The following CAMKMT variants were observed in gnomAD, a reference collection of about 807,000 sequenced individuals.
CAMKMT encodes the protein CaM KMT.
A neutral mutation model predicts 48.0 loss-of-function variants in CAMKMT; 53 were observed. That is an observed-to-expected ratio of 1.10 (90% CI 0.89 to 1.39). The LOEUF is 1.39. Among genes scored for constraint, CAMKMT ranks in the 40% most tolerant of loss-of-function variants. The pLI is 0.00. For missense variants in CAMKMT, 428 were observed against 402.7 expected, an observed-to-expected ratio of 1.06 and a Z score of -0.54; for synonymous variants, 165 against 152.3, an observed-to-expected ratio of 1.08 and a Z score of -0.61.
chr2:44,417,150 C>G (rs1006829771), intron 3 of CAMKMT, among the ~76,000 whole-genome samples: 1 of 151,914 alleles, frequency 6.6e-6, no homozygotes, highest in South Asian at 2.1e-4. Context: ...TATGGCCACA[C>G]TTTGGGAGGC....
At chr2:44,484,732 CTA>C (rs566214525) in intron 3 of CAMKMT, among the ~76,000 whole-genome samples, 2 of 149,790 alleles carry the variant, frequency 1.3e-5, no homozygotes, top group Non-Finnish European at 3.0e-5. Context: ...ATAAATTGGT[CTA>C]TGTTATAATT....
chr2:44,760,598 G>A (rs540182079), intron 9 of CAMKMT, among the ~76,000 whole-genome samples: 44 of 139,818 alleles, frequency 3.1e-4, no homozygotes, highest in African/African-American at 1.1e-3. Flanking sequence ...GCAACAGAGC[G>A]AGATTCCATC....
chr2:44,637,389 G>T (rs559842295), intron 3 of CAMKMT, among the ~76,000 whole-genome samples: 3 of 152,168 alleles, frequency 2.0e-5, no homozygotes, highest in Admixed American at 2.0e-4. Context: ...AGAATTTTTT[G>T]CACTGAATGC....
intron 3 of CAMKMT, among the ~76,000 whole-genome samples, chr2:44,670,547 G>T (rs1675267802): frequency 6.6e-6 from 1 of 152,176 alleles, no homozygotes; most frequent in Non-Finnish European, 1.5e-5. Flanking sequence ...AGCCACTCAG[G>T]AGGCTGAGGT....
At chr2:44,753,537 GT>G (rs1185595447) in intron 8 of CAMKMT, among the ~76,000 whole-genome samples, 1 of 152,120 alleles carries the variant, frequency 6.6e-6, no homozygotes, top group African/African-American at 2.4e-5. Flanking sequence ...CTTTGTTTTT[GT>G]AGCTGTTCAC....
chr2:44,763,293 T>C (rs1195304051), intron 9 of CAMKMT, among the ~76,000 whole-genome samples: 1 of 152,236 alleles, frequency 6.6e-6, no homozygotes, highest in East Asian at 1.9e-4. Context: ...GGGTACAGTG[T>C]TGTGCACAGA....
intron 8 of CAMKMT, among the ~76,000 whole-genome samples, chr2:44,745,895 A>G (rs1159605006): frequency 2.6e-5 from 4 of 152,154 alleles, no homozygotes; most frequent in Admixed American, 1.3e-4. Context: ...CGAGTTCTTT[A>G]TGTCCTGTTG....
intron 9 of CAMKMT, among the ~76,000 whole-genome samples, chr2:44,758,648 C>G (rs193236314): frequency 6.6e-6 from 1 of 152,160 alleles, no homozygotes; most frequent in Non-Finnish European, 1.5e-5. Context: ...GAAGCAATGT[C>G]CCCCTCAACC....
chr2:44,561,831 A>G (rs1668339569), intron 3 of CAMKMT, among the ~76,000 whole-genome samples: 1 of 152,224 alleles, frequency 6.6e-6, no homozygotes, highest in African/African-American at 2.4e-5. Context: ...CTAAATGAAC[A>G]AGGAAGTGGA....
At chr2:44,594,670 A>G (rs2103832453) in intron 3 of CAMKMT, among the ~76,000 whole-genome samples, 1 of 152,352 alleles carries the variant, frequency 6.6e-6, no homozygotes, top group Admixed American at 6.5e-5. Context: ...CTCAAGATGG[A>G]TTAAAGACTT....
intron 3 of CAMKMT, among the ~76,000 whole-genome samples, chr2:44,430,230 T>C (rs1299483129): frequency 1.3e-5 from 2 of 152,092 alleles, no homozygotes; most frequent in African/African-American, 4.8e-5. Context: ...CCATCAACTG[T>C]AAAGTTAGGG....
intron 1 of CAMKMT, among the ~76,000 whole-genome samples, chr2:44,368,413 T>C (rs984714545): frequency 2.0e-5 from 3 of 152,220 alleles, no homozygotes; most frequent in African/African-American, 7.2e-5. Context: ...TGATCTCCTA[T>C]TGCAATTACT....
At chr2:44,540,437 A>G (rs1485321190) in intron 3 of CAMKMT, among the ~76,000 whole-genome samples, 1 of 152,070 alleles carries the variant, frequency 6.6e-6, no homozygotes, top group Non-Finnish European at 1.5e-5. Flanking sequence ...GATTCTTTTT[A>G]GTGGAAAGTG....
At chr2:44,428,199 T>C (rs1473447443) in intron 3 of CAMKMT, among the ~76,000 whole-genome samples, 2 of 152,144 alleles carry the variant, frequency 1.3e-5, no homozygotes, top group African/African-American at 4.8e-5. Flanking sequence ...GGATGGTGAA[T>C]GCGGAGATTT....
chr2:44,618,226 G>A lies in CAMKMT; in HGVS notation c.377-86057G>A, dbSNP rs1251596692. ...TTTGTTGGGTAGCTCTCAGATTATT[G>A]AGTGACAAACTTTATTGAATTTGAC... On this transcript the variant is annotated intron_variant, in intron 3 of 10. Transcript: ENST00000378494. This position sits in a 1 kb window ranked among gnomAD's most constrained non-coding sequence, Gnocchi z 4.0. Among the ~76,000 whole-genome samples, 1 of 152,176 alleles carries A rather than the reference G, an allele frequency of 6.6e-6. No homozygotes were observed. Among genetic ancestry groups the A allele is most frequent in the Admixed American group, 6.5e-5 (1 of 15,276 alleles).
chr2:44,373,615 T>C (rs972642014), intron 2 of CAMKMT, among the ~76,000 whole-genome samples: 6 of 152,200 alleles, frequency 3.9e-5, no homozygotes, highest in Admixed American at 6.5e-5. Context: ...ATTTTAAGTG[T>C]AAATGTGACT....
At chr2:44,709,594 TACTG>T (rs1263167645) in intron 6 of CAMKMT, among the ~76,000 whole-genome samples, 2 of 152,186 alleles carry the variant, frequency 1.3e-5, no homozygotes, top group African/African-American at 4.8e-5. Flanking sequence ...TCATCTGTTT[TACTG>T]ACTGAGGTTA....
At chr2:44,647,034 C>T (rs1006635999) in intron 3 of CAMKMT, among the ~76,000 whole-genome samples, 1 of 152,186 alleles carries the variant, frequency 6.6e-6, no homozygotes, top group African/African-American at 2.4e-5. Context: ...CGCGGTGGCT[C>T]ACGCCTGTAA....
At chr2:44,417,281 G>T (rs1683623567) in intron 3 of CAMKMT, among the ~76,000 whole-genome samples, 2 of 152,048 alleles carry the variant, frequency 1.3e-5, no homozygotes, top group African/African-American at 4.8e-5. Context: ...TGTAATCCCA[G>T]CTACTCAGGA....
Sources: allele counts gnomAD v4.1 joint callset (sites outside exome capture counted in the v4.1 genomes callset), GRCh38; gene constraint gnomAD v4.1.1; non-coding constraint Gnocchi (gnomAD v3.1); transcripts MANE v1.5; gene names NCBI Gene and HGNC (gene_info 2026-07-23, HGNC 2026-07-21).